PTBP2: variants seen among roughly 807,000 people sequenced by gnomAD.
The protein encoded by PTBP2 is polypyrimidine tract-binding protein 2.
A neutral mutation model predicts 61.4 loss-of-function variants in PTBP2; 13 were observed. The ratio of observed to expected loss-of-function variants is 0.21; its 90% CI spans 0.14 to 0.34. The LOEUF (loss-of-function observed/expected upper bound fraction) is 0.34, where lower values mean the gene tolerates loss of function less well. Among genes scored for constraint, PTBP2 ranks in the 10% least tolerant of loss-of-function variants. PTBP2 has a pLI of 1.00. For missense variants in PTBP2, 405 were observed against 642.6 expected (o/e 0.63, Z 4.00); for synonymous variants, 215 against 218.5 (o/e 0.98, Z 0.14).
intron 8 of PTBP2, among the ~76,000 whole-genome samples, chr1:96,804,209 A>G (rs1211474125): frequency 6.6e-6 from 1 of 152,162 alleles, no homozygotes; most frequent in African/African-American, 2.4e-5. Flanking sequence ...ACTTGTATTC[A>G]TTTTAATTAC....
At chr1:96,745,971 C>CAGGAGAA (rs1217168231) in intron 2 of PTBP2, among the ~76,000 whole-genome samples, 1 of 151,472 alleles carries the variant, frequency 6.6e-6, no homozygotes, top group Non-Finnish European at 1.5e-5. Context: ...GAGGCTGAGA[C>CAGGAGAA]AGGAGAATCG....
intron 2 of PTBP2, among the ~76,000 whole-genome samples, chr1:96,734,221 AATG>A (rs1651832309): frequency 1.3e-5 from 2 of 152,180 alleles, no homozygotes; most frequent in Non-Finnish European, 2.9e-5. Context: ...CCATAGCTAA[AATG>A]ATGATATCCA....
chr1:96,790,905 AT>A (rs1659715243), intron 8 of PTBP2, among the ~76,000 whole-genome samples: 1 of 152,044 alleles, frequency 6.6e-6, no homozygotes, highest in African/African-American at 2.4e-5. Context: ...AAATTTAGAA[AT>A]TTTTCTCTCA....
At chr1:96,799,212 CCTT>C (rs1297624863) in intron 8 of PTBP2, among the ~76,000 whole-genome samples, 1 of 151,848 alleles carries the variant, frequency 6.6e-6, no homozygotes, top group East Asian at 1.9e-4. Flanking sequence ...TCCTGCAACA[CCTT>C]CTTTTCTTTA....
At chr1:96,816,769 A>G (rs1360795818), downstream of PTBP2, 3 of 152,154 alleles carry the variant, frequency 2.0e-5, no homozygotes, top group East Asian at 5.8e-4. Flanking sequence ...CCTCAATGTT[A>G]TTTGTAAAAT....
intron 8 of PTBP2, among the ~76,000 whole-genome samples, chr1:96,802,100 A>G (rs201711943): frequency 2.0e-5 from 3 of 148,702 alleles, no homozygotes; most frequent in East Asian, 4.1e-4. Context: ...AGTCCCAGCT[A>G]CTTGGGAGGC....
intron 3 of PTBP2, among the ~76,000 whole-genome samples, chr1:96,769,396 A>G (rs1657130109): frequency 1.3e-5 from 2 of 152,046 alleles, no homozygotes; most frequent in Admixed American, 1.3e-4. Context: ...TGTATTCTTT[A>G]GTCATTGGAC....
chr1:96,794,727 T>C (rs565733934), intron 8 of PTBP2, among the ~76,000 whole-genome samples: 4 of 152,100 alleles, frequency 2.6e-5, no homozygotes, highest in Non-Finnish European at 5.9e-5. Flanking sequence ...CTGAAATATA[T>C]AGTGGAGTTA....
intron 2 of PTBP2, among the ~76,000 whole-genome samples, chr1:96,750,493 T>C (rs146771043): frequency 6.6e-4 from 101 of 152,176 alleles, no homozygotes; most frequent in African/African-American, 2.3e-3. Context: ...CTCATATTTG[T>C]TGTAATACAG....
intron 8 of PTBP2, among the ~76,000 whole-genome samples, chr1:96,788,741 C>G (rs1042335632): frequency 2.6e-5 from 4 of 152,004 alleles, no homozygotes; most frequent in Non-Finnish European, 5.9e-5. Flanking sequence ...AGCTACTTGA[C>G]TGAATTTAAT....
chr1:96,788,851 A>G (rs573684746), intron 8 of PTBP2, among the ~76,000 whole-genome samples: 1 of 152,062 alleles, frequency 6.6e-6, no homozygotes, highest in Non-Finnish European at 1.5e-5. Flanking sequence ...CTTTAATGCT[A>G]GGTATCACAG....
intron 8 of PTBP2, among the ~76,000 whole-genome samples, chr1:96,799,224 T>C (rs751019049): frequency 6.6e-6 from 1 of 151,870 alleles, no homozygotes; most frequent in African/African-American, 2.4e-5. Flanking sequence ...TTCTTTTCTT[T>C]AGCACATGAT....
chr1:96,738,795 TTC>T (rs1250402151), intron 2 of PTBP2, among the ~76,000 whole-genome samples: 4 of 152,228 alleles, frequency 2.6e-5, no homozygotes, highest in African/African-American at 9.6e-5. Context: ...AAATGGACAC[TTC>T]TAATGTAGGA....
At chr1:96,819,662 ACCTC>A (rs1662610839), downstream of PTBP2, 2 of 76,352 alleles carry the variant, frequency 2.6e-5, no homozygotes, top group African/African-American at 1.2e-4. Context: ...TCACTTTAAA[ACCTC>A]CCTCCCCCCA....
At chr1:96,772,702 GCA>G (rs1347966639) in intron 5 of PTBP2, among the ~76,000 whole-genome samples, 4 of 152,086 alleles carry the variant, frequency 2.6e-5, no homozygotes, top group Non-Finnish European at 5.9e-5. Flanking sequence ...TATTCACTTA[GCA>G]CACACAGTGT....
At chr1:96,749,622 G>GT (rs1204049204) in intron 2 of PTBP2, 3 of 455,780 alleles carry the variant, frequency 6.6e-6, no homozygotes, top group Non-Finnish European at 1.3e-5. Flanking sequence ...TGTATGTGGA[G>GT]TAACTTGACC....
chr1:96,743,203 T>C (rs1280419626), intron 2 of PTBP2, among the ~76,000 whole-genome samples: 2 of 150,994 alleles, frequency 1.3e-5, no homozygotes, highest in South Asian at 2.1e-4. Flanking sequence ...AGGAGAATGG[T>C]GTGAACCCGG....
intron 3 of PTBP2, 74 bp from the exon 4 acceptor site, chr1:96,769,629 T>G (rs908306359): frequency 8.6e-7 from 1 of 1,157,054 alleles, no homozygotes; most frequent in Non-Finnish European, 1.2e-6. Context: ...ATTTGTAGTT[T>G]TTTTACACAA....
At chr1:96,764,022 G>A (rs907301599) in intron 3 of PTBP2, among the ~76,000 whole-genome samples, 1 of 152,142 alleles carries the variant, frequency 6.6e-6, no homozygotes, top group Non-Finnish European at 1.5e-5. Context: ...TATAGTACAG[G>A]ATTTCATTTT....
Sources: gnomAD v4.1 joint callset for allele counts (sites outside exome capture counted in the v4.1 genomes callset) on GRCh38, gnomAD v4.1.1 for gene constraint, MANE v1.5 for transcripts, NCBI Gene and HGNC (gene_info 2026-07-23, HGNC 2026-07-21) for gene names.